The following GALNT18 variants were observed in gnomAD, a reference collection of about 807,000 sequenced individuals.
GALNT18 encodes the protein GalNAc-transferase 18.
A neutral mutation model predicts 69.5 loss-of-function variants in GALNT18; 44 were observed. The ratio of observed to expected loss-of-function variants is 0.63; its 90% confidence interval spans 0.50 to 0.81. The LOEUF is 0.81. GALNT18 is among the 40% of genes least tolerant of loss of function. The pLI, the probability that GALNT18 is intolerant of heterozygous loss-of-function variation, is 0.00. For synonymous variants in GALNT18, 364 were observed against 318.2 expected (o/e 1.14, Z -1.53); for missense variants, 715 against 810.0 (o/e 0.88, Z 1.42).
intron 1 of GALNT18, among the ~76,000 whole-genome samples, chr11:11,450,466 G>T (rs532335515): frequency 4.6e-5 from 7 of 152,284 alleles, no homozygotes; most frequent in African/African-American, 1.7e-4. Context: ...TGCTCCAGTG[G>T]CAGGAAGCCT....
chr11:11,515,264 A>G (rs1190337635), intron 1 of GALNT18, among the ~76,000 whole-genome samples: 1 of 150,660 alleles, frequency 6.6e-6, no homozygotes, highest in Non-Finnish European at 1.5e-5. Flanking sequence ...GGCTATTAGT[A>G]TGAGTCTTCA....
Position 11,459,825 on chromosome 11 carries a change from A to G in GALNT18, c.236-10889T>C, listed in dbSNP as rs1446081110. 6.6e-6 allele frequency among the ~76,000 whole-genome samples: 1 copy of G among 152,230 alleles called. No homozygotes were observed. Among genetic ancestry groups the G allele is most frequent in the Non-Finnish European group, 1.5e-5 (1 of 68,034 alleles). On this transcript the variant is annotated intron_variant, in intron 1 of 10. Transcript: ENST00000227756. This position sits in a 1 kb window ranked among gnomAD's most constrained non-coding sequence, Gnocchi z 5.0. ...AGTAGCTTGACAATGCAGACATGCT[A>G]TCTTACAGTTCTGAAAGTAAGAAGT...
Position 11,421,356 on chromosome 11 carries a change from G to A in GALNT18, c.595+11265C>T, listed in dbSNP as rs1449392840. 1.3e-5 allele frequency among the ~76,000 whole-genome samples: 2 copies of A among 152,144 alleles called. No homozygotes were observed. Among genetic ancestry groups the A allele is most frequent in the Non-Finnish European group, 2.9e-5 (2 of 68,024 alleles). On this transcript the variant is annotated intron_variant, in intron 3 of 10. Transcript: ENST00000227756. This position sits in a 1 kb window ranked among gnomAD's most constrained non-coding sequence, Gnocchi z 5.6. ...AGCTGATATACTTAGGCATCACTAA[G>A]GATGCTCATTTCAGGAGGAGCTTAT...
chr11:11,400,607 C>G (rs1291493072), intron 3 of GALNT18, among the ~76,000 whole-genome samples: 1 of 152,188 alleles, frequency 6.6e-6, no homozygotes, highest in Admixed American at 6.5e-5. Context: ...CCAGCAGATC[C>G]AGTGTCTGGT....
chr11:11,421,004 C>T lies in GALNT18; in HGVS notation c.595+11617G>A, dbSNP rs1468261271. Among the ~76,000 whole-genome samples, 4 of 152,126 alleles carry T rather than the reference C, an allele frequency of 2.6e-5. No individual in the cohort carries two copies. Among genetic ancestry groups the T allele is most frequent in the Non-Finnish European group, 5.9e-5 (4 of 68,018 alleles). On this transcript the variant is annotated intron_variant, in intron 3 of 10. Transcript: ENST00000227756. This position sits in a 1 kb window ranked among gnomAD's most constrained non-coding sequence, Gnocchi z 5.6. The stretch of plus-strand genomic sequence containing the variant: ...TCCGTAAAGCAAAATGGTACAGAGC[C>T]CTCTTGCTGTAGATTGCTACAGGGA...
intron 3 of GALNT18, among the ~76,000 whole-genome samples, chr11:11,388,841 G>A (rs1311789698): frequency 1.3e-5 from 2 of 152,200 alleles, no homozygotes; most frequent in East Asian, 1.9e-4. Flanking sequence ...GCCTCACCTC[G>A]TTACCACCCT....
At position 11,500,085 on chromosome 11, in the gene GALNT18, G is replaced by GCAT. The variant is rs1385866424; in HGVS notation, c.236-51152_236-51150dup. 3.9e-5 allele frequency among the ~76,000 whole-genome samples: 6 copies of GCAT among 152,162 alleles called. No individual in the cohort carries two copies. Among genetic ancestry groups the GCAT allele is most frequent in the Non-Finnish European group, 7.3e-5 (5 of 68,032 alleles). On this transcript the variant is annotated intron_variant, in intron 1 of 10. Transcript: ENST00000227756. The surrounding 1 kb of genome is among the most constrained non-coding windows in gnomAD (Gnocchi z 5.0). ...AGAGGCCAAGCATTGTTGAAACATGGCATCTTCCCACATTTAATATTCTCA... is the reference window on the plus strand; with the variant it reads ...AGAGGCCAAGCATTGTTGAAACATGGCATCATCTTCCCACATTTAATATTCTCA...
In GALNT18 at chr11:11,582,380, C is replaced by T. The variant is rs1023644481; in HGVS notation, c.235+38979G>A. Among the ~76,000 whole-genome samples the T allele has an allele frequency of 6.6e-6, 1 of 152,226 alleles. No homozygotes were observed. Among genetic ancestry groups the T allele is most frequent in the Non-Finnish European group, 1.5e-5 (1 of 68,052 alleles). ...TATAAGAGGGCTATGCATGCCTGTC[C>T]GTTGCCCCGTGGCTTGCAGTGCTAT... On this transcript the variant is annotated intron_variant, in intron 1 of 10. Transcript: ENST00000227756. The surrounding 1 kb of genome is among the most constrained non-coding windows in gnomAD (Gnocchi z 5.0).
In GALNT18 at chr11:11,461,944, T is replaced by A. The variant is rs1398456413; in HGVS notation, c.236-13008A>T. On this transcript the variant is annotated intron_variant, in intron 1 of 10. Transcript: ENST00000227756. This position sits in a 1 kb window ranked among gnomAD's most constrained non-coding sequence, Gnocchi z 4.1. ...TCTGTAATATTACTCTATCATGTGC[T>A]CCCCTGTCTCAAACAGCCTCTCCCA... Among the ~76,000 whole-genome samples, 2 of 152,224 alleles carry A rather than the reference T, an allele frequency of 1.3e-5. No homozygotes were observed. Among genetic ancestry groups the A allele is most frequent in the African/African-American group, 4.8e-5 (2 of 41,460 alleles).
intron 3 of GALNT18, among the ~76,000 whole-genome samples, chr11:11,385,515 T>C (rs1854032959): frequency 4.6e-5 from 7 of 152,130 alleles, no homozygotes. Context: ...CAGGATGGTC[T>C]CGATCTCCTG....
intron 6 of GALNT18, chr11:11,352,401 T>C (rs765146402): frequency 1.2e-6 from 2 of 1,614,112 alleles, no homozygotes; most frequent in Non-Finnish European, 1.7e-6. Flanking sequence ...CACCAACTGA[T>C]CATAATTGTC....
rs919507618 is a variant in GALNT18 at position 11,326,036 on chromosome 11, A to C, written c.1512+1050T>G. ...ACACATAGGCATATCTTACATGCTA[A>C]ATATCTTTTTTTTTTTTTTTTTTTT... On this transcript the variant is annotated intron_variant, in intron 9 of 10. Coordinates refer to ENST00000227756, the MANE Select transcript of GALNT18 (RefSeq NM_198516.3). Among the ~76,000 whole-genome samples the C allele has an allele frequency of 2.1e-5, 3 of 144,738 alleles. No homozygotes were observed. The Admixed American group carries it at 2.2e-4, about 10-fold the overall frequency. 95.0% of individuals were successfully genotyped at this position (144,738 alleles called of 152,430 possible). A position where few individuals can be genotyped will look rare whatever the true frequency, so the allele number is the denominator to read the frequency against.
At chr11:11,424,028 T>G (rs940924608) in intron 3 of GALNT18, among the ~76,000 whole-genome samples, 10 of 152,092 alleles carry the variant, frequency 6.6e-5, no homozygotes, top group African/African-American at 2.4e-4. Context: ...GGGGTCAAAC[T>G]CCAGCCCGGG....
intron 1 of GALNT18, among the ~76,000 whole-genome samples, chr11:11,495,446 T>A (rs1163006027): frequency 1.3e-5 from 2 of 151,846 alleles, no homozygotes; most frequent in Non-Finnish European, 2.9e-5. Context: ...AAATCAGGGG[T>A]TCAAGGAACC....
At chr11:11,427,668 T>A (rs1037976708) in intron 3 of GALNT18, among the ~76,000 whole-genome samples, 3 of 152,160 alleles carry the variant, frequency 2.0e-5, no homozygotes, top group Admixed American at 1.3e-4. Context: ...CAGAAAGAGC[T>A]GGAATGGAAA....
chr11:11,522,297 GCTCTTAAGCTTCCCTGCATCCCATC>G (rs1590070309), intron 1 of GALNT18, among the ~76,000 whole-genome samples: 1 of 152,194 alleles, frequency 6.6e-6, no homozygotes, highest in East Asian at 1.9e-4. Flanking sequence ...CAAACTGGAA[GCTCTTAAGCTTCCCTGCATCCCATC>G]CCTCTTTCCA....
intron 1 of GALNT18, among the ~76,000 whole-genome samples, chr11:11,579,312 G>C (rs1859013998): frequency 6.6e-6 from 1 of 152,184 alleles, no homozygotes; most frequent in South Asian, 2.1e-4. Flanking sequence ...CCATACTCTA[G>C]GTTTGACCAG....
chr11:11,551,310 C>T (rs1289111795), intron 1 of GALNT18, among the ~76,000 whole-genome samples: 1 of 151,894 alleles, frequency 6.6e-6, no homozygotes, highest in East Asian at 1.9e-4. Flanking sequence ...TGTCATAGAA[C>T]AAGGTGTTCT....
Position 11,604,239 on chromosome 11 carries a change from G to C in GALNT18, c.235+17120C>G, listed in dbSNP as rs1028724911. Among the ~76,000 whole-genome samples, 1 of 152,184 alleles carries C rather than the reference G, an allele frequency of 6.6e-6. No homozygotes were observed. The highest frequency in any genetic ancestry group is 1.5e-5 in the Non-Finnish European group (1 of 68,040). On this transcript the variant is annotated intron_variant, in intron 1 of 10. Coordinates refer to ENST00000227756, the MANE Select transcript of GALNT18 (RefSeq NM_198516.3). The surrounding 1 kb of genome is among the most constrained non-coding windows in gnomAD (Gnocchi z 5.6). ...ATACCACTTTTCAAAGATTGTGTTG[G>C]TTTGGTTAGTAAGTTAAAAATCCAT... is the stretch of plus-strand genomic sequence containing the variant.
Sources: gnomAD v4.1 joint callset for allele counts (sites outside exome capture counted in the v4.1 genomes callset) on GRCh38, gnomAD v4.1.1 for gene constraint, Gnocchi (gnomAD v3.1) non-coding constraint, MANE v1.5 for transcripts, NCBI Gene and HGNC (gene_info 2026-07-23, HGNC 2026-07-21) for gene names.